ESRP2: variants seen among roughly 807,000 people sequenced by gnomAD.
ESRP2 encodes RNA binding motif protein 35A.
In ESRP2, 48 loss-of-function variants were observed where a neutral mutation model predicts 78.6. The observed-to-expected ratio is 0.61, with a 90% CI of 0.48 to 0.78. The LOEUF is 0.78. ESRP2 is among the 30% of genes least tolerant of loss of function. The pLI, the probability that ESRP2 is intolerant of heterozygous loss-of-function variation, is 0.00. For missense variants in ESRP2, 863 were observed against 965.9 expected (o/e 0.89, Z 1.41); for synonymous variants, 383 against 406.7 (o/e 0.94, Z 0.70).
At position 68,235,465 on chromosome 16, in the gene ESRP2, G is replaced by A; in HGVS notation, c.327+169C>T. ...GCCCAGGGGAATGGCTGGCACGCGC[G>A]GATGAAAGGGGCACGCACACGCGAG... On this transcript the variant is annotated intron_variant, in intron 2 of 14. Coordinates refer to ENST00000473183, the MANE Select transcript of ESRP2 (RefSeq NM_024939.3). This position sits in a 1 kb window ranked among gnomAD's most constrained non-coding sequence, Gnocchi z 5.5. The A allele has an allele frequency of 2.0e-6, 2 of 985,434 alleles. No homozygotes were observed. Among genetic ancestry groups the A allele is most frequent in the Non-Finnish European group, 2.4e-6 (2 of 829,932 alleles). 61.0% of individuals were successfully genotyped at this position (985,434 alleles called of 1,614,324 possible).
rs200064519 is a variant in ESRP2, at chr16:68,232,060, T to C, written c.1041A>G (p.Gln347=). The C allele has an allele frequency of 2.5e-6, 4 of 1,613,814 alleles. No homozygotes were observed. In the Admixed American group the frequency reaches 5.0e-5, roughly 20 times the overall value. Residue 347 remains glutamine (Q), a synonymous_variant, in exon 10 of 15, where the codon CAA becomes CAG. Coordinates refer to ENST00000473183, the MANE Select transcript of ESRP2 (RefSeq NM_024939.3). This position sits in a 1 kb window ranked among gnomAD's most constrained non-coding sequence, Gnocchi z 5.2. ...EVARFLSRED[Q]VILRLRGLPF... ...GCAGTCCCCGCAGCCGCAGGATCAC[T>C]TGGTCTTCCCGTGACAAGAAACGAG...
chr16:68,231,476 C>T lies in ESRP2; in HGVS notation c.1512+6G>A, dbSNP rs1327634288. The stretch of plus-strand genomic sequence containing the variant: ...ATGTGTTCCCCCTACCAAGCAGTGG[C>T]TTCACCTGCTGGTTGAGCACCATGT... On this transcript the variant is annotated splice_donor_region_variant and intron_variant, in intron 11 of 14. Coordinates refer to ENST00000473183, the MANE Select transcript of ESRP2 (RefSeq NM_024939.3). The surrounding 1 kb of genome is among the most constrained non-coding windows in gnomAD (Gnocchi z 6.0). 2 of 1,614,042 alleles carry T rather than the reference C, an allele frequency of 1.2e-6. No individual in the cohort carries two copies. Among genetic ancestry groups the T allele is most frequent in the East Asian group, 2.2e-5 (1 of 44,876 alleles).
At chr16:68,234,272 C>T (rs2042190975) in intron 2 of ESRP2, 165 bp from the exon 3 acceptor site, 2 of 605,986 alleles carry the variant, frequency 3.3e-6, no homozygotes, top group Non-Finnish European at 5.8e-6. Flanking sequence ...AGCCCTATGT[C>T]CCTTCCCCTC....
In ESRP2 at chr16:68,232,188, G is replaced by A; in HGVS notation, c.997+58C>T. On this transcript the variant is annotated intron_variant, in intron 9 of 14. Transcript: ENST00000473183. The surrounding 1 kb of genome is among the most constrained non-coding windows in gnomAD (Gnocchi z 5.2). ...GGGGAGCAGGCAGGCAAGGGGTGGT[G>A]GGGAAGTGAAATGGATCAAGAACCA... The A allele has an allele frequency of 6.2e-7, 1 of 1,613,650 alleles. No individual in the cohort carries two copies. Among genetic ancestry groups the A allele is most frequent in the Non-Finnish European group, 8.5e-7 (1 of 1,179,718 alleles).
rs1053546035 is a variant in ESRP2, at chr16:68,232,336, A to T, written c.954+35T>A. The T allele has an allele frequency of 1.4e-5, 23 of 1,614,146 alleles. No homozygotes were observed. The highest frequency in any genetic ancestry group is 1.9e-5 in the Non-Finnish European group (23 of 1,180,006). On this transcript the variant is annotated intron_variant, in intron 8 of 14. Transcript: ENST00000473183. The surrounding 1 kb of genome is among the most constrained non-coding windows in gnomAD (Gnocchi z 5.2). ...CCCATGGGTCTCAGGCCTGACTCAG[A>T]TTGGCCCTGCTCCGCTCCCAGCCCA...
rs865788813 is a variant in ESRP2, at chr16:68,229,363, A to G, written c.*863T>C. 1 of 152,634 alleles carries G rather than the reference A, an allele frequency of 6.6e-6. No individual in the cohort carries two copies. The highest frequency in any genetic ancestry group is 1.5e-5 in the Non-Finnish European group (1 of 68,052). 9.5% of individuals were successfully genotyped at this position (152,634 alleles called of 1,614,324 possible). A position where few individuals can be genotyped will look rare whatever the true frequency, so the allele number is the denominator to read the frequency against. On this transcript the variant is annotated 3_prime_UTR_variant, in exon 15 of 15. Transcript: ENST00000473183. The stretch of plus-strand genomic sequence containing the variant: ...GTCTTTTAAAAAGTCCATTTGGTCA[A>G]TAACTTTTCATTTAAGGAAGAGAAG...
At position 68,235,967 on chromosome 16, in the gene ESRP2, G is replaced by T; in HGVS notation, c.79C>A (p.Pro27Thr). Reference protein sequence around the residue: ...ADPAADPCPWPGSLVVLFGAT... With the variant: ...ADPAADPCPWTGSLVVLFGAT... ...CCGAAGAGGACGACCAGTGATCCGG[G>T]CCAGGGGCAGGGGTCCGCGGCGGGG... The change falls in exon 1 of 15, where the codon CCC becomes ACC. Residue 27 changes from proline (P) to threonine (T), a missense_variant. Coordinates refer to ENST00000473183, the MANE Select transcript of ESRP2 (RefSeq NM_024939.3). This position sits in a 1 kb window ranked among gnomAD's most constrained non-coding sequence, Gnocchi z 5.5. 6.2e-7 allele frequency: 1 copy of T among 1,607,614 alleles called. No individual in the cohort carries two copies. Among genetic ancestry groups the T allele is most frequent in the Non-Finnish European group, 8.5e-7 (1 of 1,178,058 alleles).
Position 68,235,157 on chromosome 16 carries a change from C to CCT in ESRP2, c.327+476_327+477insAG, listed in dbSNP as rs1200871527. 21 of 985,258 alleles carry CCT rather than the reference C, an allele frequency of 2.1e-5. No individual in the cohort carries two copies. Among genetic ancestry groups the CCT allele is most frequent in the Non-Finnish European group, 2.5e-5 (21 of 829,922 alleles). The allele number at this position is 985,258 out of a possible 1,614,324, so 61.0% of individuals were successfully genotyped here. A position where few individuals can be genotyped will look rare whatever the true frequency, so the allele number is the denominator to read the frequency against. On this transcript the variant is annotated intron_variant, in intron 2 of 14. Coordinates refer to ENST00000473183, the MANE Select transcript of ESRP2 (RefSeq NM_024939.3). This position sits in a 1 kb window ranked among gnomAD's most constrained non-coding sequence, Gnocchi z 5.5. ...GCCGGCCGGGACAGGCCTAGACGAG[C>CCT]AGTTTACACCTGGCGGCGTCTACCT...
In ESRP2 at chr16:68,232,590, G is replaced by A. The variant is rs2042159929; in HGVS notation, c.808C>T (p.Leu270Phe). 6.2e-7 allele frequency: 1 copy of A among 1,613,948 alleles called. No homozygotes were observed. The highest frequency in any genetic ancestry group is 1.7e-5 in the Admixed American group (1 of 60,010). Residue 270 changes from leucine (L) to phenylalanine (F), a missense_variant, in exon 7 of 15, where the codon CTC (leucine) becomes TTC (phenylalanine). Leu to Phe is a conservative substitution (Grantham distance 22, BLOSUM62 0). Transcript: ENST00000473183. The surrounding 1 kb of genome is among the most constrained non-coding windows in gnomAD (Gnocchi z 5.2). ...DQDVARFFKGLNVARGGVALC... is the reference protein window; with the variant it reads ...DQDVARFFKGFNVARGGVALC... ...TGCCACACCCACCTGGCCACGTTGAGCCCTTTGAAGAAGCGAGCCACGTCC... is the reference window on the plus strand; with the variant it reads ...TGCCACACCCACCTGGCCACGTTGAACCCTTTGAAGAAGCGAGCCACGTCC...
Position 68,230,516 on chromosome 16 carries a change from G to A in ESRP2, c.1937C>T (p.Thr646Ile), listed in dbSNP as rs2042113459. 1 of 1,599,096 alleles carries A rather than the reference G, an allele frequency of 6.3e-7. No individual in the cohort carries two copies. The change falls in exon 14 of 15, where the codon ACA (threonine) becomes ATA (isoleucine). Residue 646 changes from threonine to isoleucine, a missense_variant. Physicochemically the swap from Thr to Ile is moderately conservative, Grantham distance 89. Coordinates refer to ENST00000473183, the MANE Select transcript of ESRP2 (RefSeq NM_024939.3). ...AGCAGAGGCCAGGGCAGCAGTGGGT[G>A]TAGTGAGGTAGCCCACAGTGGTGGG... is the stretch of plus-strand genomic sequence containing the variant. ...VSPTTVGYLT[T>I]PTAALASAPT...
In ESRP2 at chr16:68,231,707, G is replaced by T. The variant is rs753474753; in HGVS notation, c.1300-13C>A. On this transcript the variant is annotated splice_polypyrimidine_tract_variant and intron_variant, in intron 10 of 14. Transcript: ENST00000473183. The surrounding 1 kb of genome is among the most constrained non-coding windows in gnomAD (Gnocchi z 6.0). ...AGCGGTTCAAGACCTAGTAAGGAAG[G>T]CAGCAACAGGCTGGTCATGCCAAGT... 6 of 1,596,432 alleles carry T rather than the reference G, an allele frequency of 3.8e-6. No homozygotes were observed. The highest frequency in any genetic ancestry group is 3.4e-5 in the South Asian group (3 of 88,884).
rs996050239 is a variant in ESRP2 at position 68,230,080 on chromosome 16, G to T, written c.*146C>A. The T allele has an allele frequency of 1.1e-5, 8 of 698,016 alleles. No individual in the cohort carries two copies. Among genetic ancestry groups the T allele is most frequent in the African/African-American group, 1.8e-5 (1 of 56,388 alleles). The allele number at this position is 698,016 out of a possible 1,614,324, so 43.2% of individuals were successfully genotyped here. A position where few individuals can be genotyped will look rare whatever the true frequency, so the allele number is the denominator to read the frequency against. The stretch of plus-strand genomic sequence containing the variant: ...ACAGGCAGAATAAGTGGAGGATGGA[G>T]CTGGGGCTTGGGCTCCTCTAGGTAC... On this transcript the variant is annotated 3_prime_UTR_variant, in exon 15 of 15. Transcript: ENST00000473183.
chr16:68,233,656 G>A (rs578156074), intron 4 of ESRP2, 112 bp downstream of exon 4: 4 of 821,306 alleles, frequency 4.9e-6, no homozygotes, highest in Non-Finnish European at 8.2e-6. Flanking sequence ...CAGGGACTTA[G>A]CAGATAACGC....
In ESRP2 at chr16:68,232,156, C is replaced by T; in HGVS notation, c.998-53G>A. 8.1e-6 allele frequency: 13 copies of T among 1,612,128 alleles called. No individual in the cohort carries two copies. The highest frequency in any genetic ancestry group is 9.3e-6 in the Non-Finnish European group (11 of 1,178,834). On this transcript the variant is annotated intron_variant, in intron 9 of 14. Coordinates refer to ENST00000473183, the MANE Select transcript of ESRP2 (RefSeq NM_024939.3). This position sits in a 1 kb window ranked among gnomAD's most constrained non-coding sequence, Gnocchi z 5.2. Reference sequence around the variant, plus strand: ...CACTCATGCTCCTCCAGACACTCACCCATGCAGGGGAGCAGGCAGGCAAGG... The same window carrying T: ...CACTCATGCTCCTCCAGACACTCACTCATGCAGGGGAGCAGGCAGGCAAGG...
chr16:68,233,473 T>G, intron 4 of ESRP2, 48 bp from the exon 5 acceptor site: 2 of 1,376,052 alleles, frequency 1.5e-6, no homozygotes, highest in Non-Finnish European at 2.1e-6. Context: ...TAAGCACTAA[T>G]CCTGTTTACT....
intron 2 of ESRP2, chr16:68,234,464 G>A (rs1398868562): frequency 5.2e-6 from 1 of 193,280 alleles, no homozygotes; most frequent in Non-Finnish European, 1.0e-5. Flanking sequence ...GTCTTTGACC[G>A]GGTACCACCC....
Position 68,231,266 on chromosome 16 carries a change from G to T in ESRP2, c.1623C>A (p.Val541=), listed in dbSNP as rs367754223. ...KVMKERYVEV[V]PCSTEEMSRV... The stretch of plus-strand genomic sequence containing the variant: ...GGCTCATCTCCTCTGTGGAACAGGG[G>T]ACCACCTCCACGTAGCGCTCCTTCA... The change falls in exon 12 of 15, where the codon GTC becomes GTA. Residue 541 remains valine, a synonymous_variant. Coordinates refer to ENST00000473183, the MANE Select transcript of ESRP2 (RefSeq NM_024939.3). This position sits in a 1 kb window ranked among gnomAD's most constrained non-coding sequence, Gnocchi z 6.0. 5.7e-5 allele frequency: 92 copies of T among 1,614,090 alleles called. No homozygotes were observed. Among genetic ancestry groups the T allele is most frequent in the Middle Eastern group, 3.3e-4 (2 of 6,062 alleles).
chr16:68,231,283 G>A lies in ESRP2; in HGVS notation c.1606C>T (p.Arg536Cys), dbSNP rs760351104. 8 of 1,613,966 alleles carry A rather than the reference G, an allele frequency of 5.0e-6. No homozygotes were observed. Among genetic ancestry groups the A allele is most frequent in the East Asian group, 4.5e-5 (2 of 44,890 alleles). The change falls in exon 12 of 15, where the codon CGC becomes TGC. Residue 536 changes from arginine (R) to cysteine (C), a missense_variant. Arg to Cys is a radical substitution (Grantham distance 180). Coordinates refer to ENST00000473183, the MANE Select transcript of ESRP2 (RefSeq NM_024939.3). The surrounding 1 kb of genome is among the most constrained non-coding windows in gnomAD (Gnocchi z 6.0). ...GAACAGGGGACCACCTCCACGTAGCGCTCCTTCATCACCTTCTTATGGCAA... is the reference window on the plus strand; with the variant it reads ...GAACAGGGGACCACCTCCACGTAGCACTCCTTCATCACCTTCTTATGGCAA... ...QRCHKKVMKE[R>C]YVEVVPCSTE...
Position 68,235,785 on chromosome 16 carries a change from A to G in ESRP2, c.199-23T>C. On this transcript the variant is annotated intron_variant, in intron 1 of 14. Transcript: ENST00000473183. This position sits in a 1 kb window ranked among gnomAD's most constrained non-coding sequence, Gnocchi z 5.5. Reference sequence around the variant, plus strand: ...CACCTGTGAGCGGCGGGGGAAACCGATCAGCCGCGCCCCTCGACCCCGGAA... The same window carrying G: ...CACCTGTGAGCGGCGGGGGAAACCGGTCAGCCGCGCCCCTCGACCCCGGAA... 6.2e-7 allele frequency: 1 copy of G among 1,608,514 alleles called. No homozygotes were observed. Among genetic ancestry groups the G allele is most frequent in the Non-Finnish European group, 8.5e-7 (1 of 1,178,202 alleles).
Sources: gnomAD v4.1 joint callset for allele counts on GRCh38, gnomAD v4.1.1 for gene constraint, Gnocchi (gnomAD v3.1) non-coding constraint, MANE v1.5 for transcripts, NCBI Gene and HGNC (gene_info 2026-07-23, HGNC 2026-07-21) for gene names.